The following OPHN1 variants were observed in gnomAD, a reference collection of about 807,000 sequenced individuals.
OPHN1 encodes oligophrenin 1.
A neutral mutation model predicts 60.7 loss-of-function variants in OPHN1; 11 were observed. That is an observed-to-expected ratio of 0.18 (90% CI 0.11 to 0.30). OPHN1 has a LOEUF of 0.30. Among genes scored for constraint, OPHN1 ranks in the 10% least tolerant of loss-of-function variants. The probability of loss-of-function intolerance (pLI) is 1.00; values close to 1 mark genes in which losing one functional copy is unlikely to be tolerated. For synonymous variants in OPHN1, 226 were observed against 222.6 expected, an observed-to-expected ratio of 1.02 and a Z score of -0.14; for missense variants, 449 against 611.0, an observed-to-expected ratio of 0.73 and a Z score of 2.80.
intron 2 of OPHN1, among the ~76,000 whole-genome samples, chrX:68,339,084 A>AT (rs1327464821): frequency 4.0e-5 from 4 of 100,574 alleles, no homozygotes; most frequent in African/African-American, 1.6e-4. Context: ...TCTGAAAAAA[A>AT]AAAATATATA....
intron 5 of OPHN1, among the ~76,000 whole-genome samples, chrX:68,245,468 G>T (rs144656835): frequency 8.9e-6 from 1 of 111,938 alleles, no homozygotes; most frequent in Non-Finnish European, 1.9e-5. Context: ...TAGCAGACTC[G>T]TTTCTTCTTT....
At chrX:68,083,054 C>CTT (rs869083899) in intron 19 of OPHN1, among the ~76,000 whole-genome samples, 690 of 37,430 alleles carry the variant, frequency 0.018, 200 homozygotes, top group Non-Finnish European at 0.023. Flanking sequence ...CTGCTAGTTT[C>CTT]TTTTTTTTTT....
chrX:68,314,683 A>G (rs1486749734), intron 2 of OPHN1, among the ~76,000 whole-genome samples: 1 of 104,884 alleles, frequency 9.5e-6, no homozygotes, highest in Non-Finnish European at 1.9e-5. Flanking sequence ...GAAAAACACT[A>G]CAAAAAAAAA....
At chrX:68,234,365 G>A in intron 6 of OPHN1, 122 bp downstream of exon 6, 1 of 565,713 alleles carries the variant, frequency 1.8e-6, no homozygotes, top group Non-Finnish European at 3.1e-6. Flanking sequence ...GACTACAAGT[G>A]CTACTATCAC....
intron 18 of OPHN1, among the ~76,000 whole-genome samples, chrX:68,107,408 A>G (rs538159780): frequency 1.8e-5 from 2 of 111,905 alleles, no homozygotes; most frequent in African/African-American, 6.5e-5. Context: ...ATTTCCTGCA[A>G]ATTGGAAAGA....
At chrX:68,163,458 G>GTA (rs60287755) in intron 15 of OPHN1, among the ~76,000 whole-genome samples, 1 of 80,821 alleles carries the variant, frequency 1.2e-5, no homozygotes, top group African/African-American at 5.0e-5. Context: ...GTGTGTGTGT[G>GTA]TATATATACC....
At position 68,043,264 on chromosome X, in the gene OPHN1, T is replaced by C. The variant is rs1239908624; in HGVS notation, c.*3908A>G. 1.4e-5 allele frequency: 1 copy of C among 72,257 alleles called. No homozygotes were observed. Among genetic ancestry groups the C allele is most frequent in the Non-Finnish European group, 2.5e-5 (1 of 39,316 alleles). The allele number at this position is 72,257 out of a possible 1,213,427, so 6.0% of individuals were successfully genotyped here. ...GAGGGATAGCACTGGGAGATATACC[T>C]AATGCTAGATGACACATTAGTGGGT... is the stretch of plus-strand genomic sequence containing the variant. On this transcript the variant is annotated 3_prime_UTR_variant, in exon 25 of 25. Coordinates refer to ENST00000355520, the MANE Select transcript of OPHN1 (RefSeq NM_002547.3).
At chrX:68,077,930 CT>C (rs765010339) in intron 19 of OPHN1, among the ~76,000 whole-genome samples, 1 of 112,183 alleles carries the variant, frequency 8.9e-6, no homozygotes, top group Middle Eastern at 4.6e-3. Context: ...AGCTCTATCA[CT>C]TATGGCCTCT....
intron 16 of OPHN1, among the ~76,000 whole-genome samples, chrX:68,114,209 T>G (rs1421534579): frequency 2.7e-5 from 3 of 110,963 alleles, no homozygotes; most frequent in African/African-American, 9.8e-5. Flanking sequence ...ATTATAAGAA[T>G]AGCAAACTCT....
At chrX:68,389,296 G>A (rs749849615) in intron 2 of OPHN1, among the ~76,000 whole-genome samples, 5 of 108,686 alleles carry the variant, frequency 4.6e-5, no homozygotes, top group South Asian at 4.1e-4. Context: ...GGCCAGGCAC[G>A]GTGGCTCATG....
In OPHN1 at chrX:68,257,836, C is replaced by T. The variant is rs916900629; in HGVS notation, c.384+16902G>A. On this transcript the variant is annotated intron_variant, in intron 5 of 24. Transcript: ENST00000355520. ...AAACAGGGAATCCCCAAATTACAAT[C>T]CAATTTAGGGAGATACATGCTCTTG... Among the ~76,000 whole-genome samples the T allele has an allele frequency of 3.6e-5, 4 of 110,934 alleles. No individual in the cohort carries two copies. The East Asian group carries it at 1.1e-3, about 32-fold the overall frequency.
intron 7 of OPHN1, among the ~76,000 whole-genome samples, 155 bp from the exon 8 acceptor site, chrX:68,212,367 G>A (rs764206191): frequency 9.0e-6 from 1 of 111,510 alleles, no homozygotes; most frequent in African/African-American, 3.3e-5. Flanking sequence ...CGGGCAGATC[G>A]TGAGGTCAGG....
At chrX:68,286,195 CTTG>C (rs1569269170) in intron 3 of OPHN1, among the ~76,000 whole-genome samples, 1 of 111,574 alleles carries the variant, frequency 9.0e-6, no homozygotes, top group Non-Finnish European at 1.9e-5. Flanking sequence ...CTTGTGGTTG[CTTG>C]TTGTTACATT....
At chrX:68,332,875 G>A (rs924030908) in intron 2 of OPHN1, among the ~76,000 whole-genome samples, 4 of 110,431 alleles carry the variant, frequency 3.6e-5, no homozygotes, top group Non-Finnish European at 5.7e-5. Context: ...GCCTGTACAC[G>A]AATCTTCAGT....
chrX:68,134,615 G>A (rs1198400267), intron 15 of OPHN1, among the ~76,000 whole-genome samples: 2 of 111,454 alleles, frequency 1.8e-5, no homozygotes, highest in Non-Finnish European at 3.8e-5. Context: ...GGTCTGCCCT[G>A]GAGCAGAAGG....
intron 2 of OPHN1, among the ~76,000 whole-genome samples, chrX:68,363,772 AAT>A (rs2078485420): frequency 9.0e-6 from 1 of 111,251 alleles, no homozygotes; most frequent in African/African-American, 3.3e-5. Context: ...TGCATACTGA[AAT>A]ATATATGGGT....
intron 2 of OPHN1, among the ~76,000 whole-genome samples, chrX:68,314,531 A>T (rs915476325): frequency 1.8e-5 from 2 of 110,959 alleles, no homozygotes; most frequent in African/African-American, 6.6e-5. Context: ...CAAAAAAAAA[A>T]TCCTCCCAAC....
At chrX:68,424,077 G>C (rs1233941400) in intron 2 of OPHN1, among the ~76,000 whole-genome samples, 1 of 110,637 alleles carries the variant, frequency 9.0e-6, no homozygotes, top group Non-Finnish European at 1.9e-5. Context: ...TGAGGCAGGA[G>C]AACCGTTTGA....
At chrX:68,399,414 G>A (rs1190356178) in intron 2 of OPHN1, among the ~76,000 whole-genome samples, 1 of 112,069 alleles carries the variant, frequency 8.9e-6, no homozygotes, top group East Asian at 2.8e-4. Flanking sequence ...ACTTTGGGAG[G>A]CTGAGGTGGG....
Sources: allele counts gnomAD v4.1 joint callset (sites outside exome capture counted in the v4.1 genomes callset), GRCh38; gene constraint gnomAD v4.1.1; transcripts MANE v1.5; gene names NCBI Gene and HGNC (gene_info 2026-07-23, HGNC 2026-07-21).